SMG1: variants seen among roughly 807,000 people sequenced by gnomAD.
SMG1 encodes the protein serine/threonine-protein kinase SMG1.
SMG1 carries 22 observed loss-of-function variants against 419.9 expected under a neutral mutation model. The ratio of observed to expected loss-of-function variants is 0.05; its 90% CI spans 0.04 to 0.07. The LOEUF is 0.07. Among genes scored for constraint, SMG1 ranks in the 10% least tolerant of loss-of-function variants. The pLI is 1.00. For missense variants in SMG1, 3,185 were observed against 4,342.0 expected (o/e 0.73, Z 7.49); for synonymous variants, 1,538 against 1,553.5 (o/e 0.99, Z 0.23).
intron 23 of SMG1, among the ~76,000 whole-genome samples, chr16:18,865,749 G>A (rs1480201456): frequency 6.6e-6 from 1 of 150,518 alleles, no homozygotes; most frequent in Admixed American, 6.6e-5. Flanking sequence ...AGCAACCTCC[G>A]CCTCCCAGGT....
Position 18,845,633 on chromosome 16 carries a change from G to T in SMG1, c.6015C>A (p.Ile2005=). The change falls in exon 39 of 63, where the codon ATC becomes ATA. Residue 2005 remains isoleucine (I), a synonymous_variant. Transcript: ENST00000446231. ...TCAAAGCTGTGTGCTTCTCCCTCATGATTGCAATTTTCTCTTCTCTGACCA... is the reference window on the plus strand; with the variant it reads ...TCAAAGCTGTGTGCTTCTCCCTCATTATTGCAATTTTCTCTTCTCTGACCA... ...NTLRKEEKIA[I]MREKHTALMK... 1 of 1,610,436 alleles carries T rather than the reference G, an allele frequency of 6.2e-7. No individual in the cohort carries two copies. The highest frequency in any genetic ancestry group is 8.5e-7 in the Non-Finnish European group (1 of 1,178,584).
At position 18,898,547 on chromosome 16, in the gene SMG1, A is replaced by G. The variant is rs564631639; in HGVS notation, c.93-1591T>C. 2.6e-5 allele frequency among the ~76,000 whole-genome samples: 4 copies of G among 152,332 alleles called. No individual in the cohort carries two copies. The South Asian group carries it at 8.3e-4, about 32-fold the overall frequency. On this transcript the variant is annotated intron_variant, in intron 1 of 62. Coordinates refer to ENST00000446231, the MANE Select transcript of SMG1 (RefSeq NM_015092.5). The stretch of plus-strand genomic sequence containing the variant: ...CCTAAAAATAGCACATTTAACATGC[A>G]TCTATATAAATCATAGCATACGATT...
At chr16:18,902,629 GGGA>G (rs1199234992) in intron 1 of SMG1, among the ~76,000 whole-genome samples, 1 of 151,914 alleles carries the variant, frequency 6.6e-6, no homozygotes, top group Non-Finnish European at 1.5e-5. Context: ...GAACCTGGGA[GGGA>G]GGAGGTCAGG....
intron 60 of SMG1, among the ~76,000 whole-genome samples, chr16:18,814,264 T>G (rs1326162897): frequency 4.6e-5 from 7 of 151,894 alleles, no homozygotes; most frequent in African/African-American, 7.2e-5. Flanking sequence ...CAGAGTGGTT[T>G]CTGCCTCTAT....
At chr16:18,920,637 C>A (rs2038160996) in intron 1 of SMG1, among the ~76,000 whole-genome samples, 2 of 151,602 alleles carry the variant, frequency 1.3e-5, no homozygotes, top group Admixed American at 1.3e-4. Context: ...GTATTCAAGA[C>A]CAGCCCAGGC....
intron 39 of SMG1, among the ~76,000 whole-genome samples, chr16:18,844,309 A>C (rs1391956893): frequency 6.6e-6 from 1 of 151,816 alleles, no homozygotes; most frequent in East Asian, 1.9e-4. Context: ...TGTGCCTGTA[A>C]TCCCAGCTAC....
chr16:18,809,408 C>T lies in SMG1; in HGVS notation c.*161G>A, dbSNP rs977605316. The T allele has an allele frequency of 2.0e-5, 13 of 636,634 alleles. No homozygotes were observed. The South Asian group carries it at 2.4e-4, about 12-fold the overall frequency. 39.4% of individuals were successfully genotyped at this position (636,634 alleles called of 1,614,324 possible). On this transcript the variant is annotated 3_prime_UTR_variant, in exon 63 of 63. Transcript: ENST00000446231. ...CGTATCCCTGAGTGCAGCTGTCCTG[C>T]GGGATTCACTTCCTAGTGCACCGAG...
At chr16:18,921,621 C>T (rs1186349220) in intron 1 of SMG1, among the ~76,000 whole-genome samples, 1 of 152,000 alleles carries the variant, frequency 6.6e-6, no homozygotes, top group East Asian at 1.9e-4. Flanking sequence ...TTTGCACCCA[C>T]CTAATAGGTA....
chr16:18,821,385 C>A (rs1274797264), intron 55 of SMG1, among the ~76,000 whole-genome samples: 1 of 40,020 alleles, frequency 2.5e-5, no homozygotes, highest in African/African-American at 8.7e-5. Context: ...GGTATATCTC[C>A]CAATGCTATC....
At chr16:18,810,986 A>G (rs764915379) in intron 62 of SMG1, among the ~76,000 whole-genome samples, 2 of 152,202 alleles carry the variant, frequency 1.3e-5, no homozygotes, top group Non-Finnish European at 2.9e-5. Context: ...CTGTAGCTTT[A>G]TTCTCAAATT....
At chr16:18,888,820 CT>C (rs71141087) in intron 6 of SMG1, among the ~76,000 whole-genome samples, 9,951 of 111,642 alleles carry the variant, frequency 0.089, 223 homozygotes, top group Middle Eastern at 0.16. Context: ...CAACATGTAT[CT>C]TTTTTTTTTT....
In SMG1 at chr16:18,871,410, G is replaced by A. The variant is rs2035814804; in HGVS notation, c.2256C>T (p.Phe752=). 6.3e-7 allele frequency: 1 copy of A among 1,599,396 alleles called. No individual in the cohort carries two copies. The highest frequency in any genetic ancestry group is 2.3e-5 in the East Asian group (1 of 44,336). Residue 752 remains phenylalanine (F), a synonymous_variant, in exon 16 of 63, where the codon TTC becomes TTT. Transcript: ENST00000446231. ...MKKSETYAPL[F]SLPSFHKFCK... Reference sequence around the variant, plus strand: ...AAAATTTATGGAAAGACGGAAGAGAGAATAAAGGTGCGTATGTTTCAGACT... The same window carrying A: ...AAAATTTATGGAAAGACGGAAGAGAAAATAAAGGTGCGTATGTTTCAGACT...
At position 18,807,726 on chromosome 16, in the gene SMG1, G is replaced by A. The variant is rs2030971071; in HGVS notation, c.*1843C>T. ...TGACCACTGTCCTAATCTCTAAAATGCAGGGAAAATGTACTCAAACAATTT... is the reference window on the plus strand; with the variant it reads ...TGACCACTGTCCTAATCTCTAAAATACAGGGAAAATGTACTCAAACAATTT... On this transcript the variant is annotated 3_prime_UTR_variant, in exon 63 of 63. Transcript: ENST00000446231. The A allele has an allele frequency of 6.6e-6, 1 of 151,936 alleles. No homozygotes were observed. Among genetic ancestry groups the A allele is most frequent in the African/African-American group, 2.4e-5 (1 of 41,362 alleles). The allele number at this position is 151,936 out of a possible 1,614,324, so 9.4% of individuals were successfully genotyped here.
At position 18,845,447 on chromosome 16, in the gene SMG1, G is replaced by A; in HGVS notation, c.6201C>T (p.Ser2067=). The A allele has an allele frequency of 6.2e-7, 1 of 1,613,810 alleles. No individual in the cohort carries two copies. The highest frequency in any genetic ancestry group is 1.1e-5 in the South Asian group (1 of 91,086). Reference sequence around the variant, plus strand: ...TCTGTACCTCTTTAAATGGAATCCAGCTGCTCCCAGGCTTTGCAGGGTTCA... The same window carrying A: ...TCTGTACCTCTTTAAATGGAATCCAACTGCTCCCAGGCTTTGCAGGGTTCA... ...TPLNPAKPGS[S]WIPFKEIMLS... Residue 2067 remains serine (S), a synonymous_variant, in exon 39 of 63, where the codon AGC becomes AGT. Transcript: ENST00000446231.
At position 18,850,031 on chromosome 16, in the gene SMG1, C is replaced by T; in HGVS notation, c.5379G>A (p.Leu1793=). 2 of 1,614,020 alleles carry T rather than the reference C, an allele frequency of 1.2e-6. No individual in the cohort carries two copies. The highest frequency in any genetic ancestry group is 1.1e-5 in the South Asian group (1 of 91,090). The stretch of plus-strand genomic sequence containing the variant: ...CACCAGCATGCTTCACGAGCAACCG[C>T]AGCAGGCGCAATGTGGCCATCACAA... ...DMIVMATLRL[L]RLLVKHAGEL... Residue 1793 remains leucine (L), a synonymous_variant, in exon 35 of 63, where the codon CTG becomes CTA. Transcript: ENST00000446231.
At chr16:18,920,243 G>A (rs1206174270) in intron 1 of SMG1, among the ~76,000 whole-genome samples, 1 of 152,008 alleles carries the variant, frequency 6.6e-6, no homozygotes, top group Non-Finnish European at 1.5e-5. Flanking sequence ...TTAGCCGGGT[G>A]TGGTGGCACA....
chr16:18,897,055 T>C (rs1403604718), intron 1 of SMG1, 99 bp from the exon 2 acceptor site: 8 of 803,816 alleles, frequency 1.0e-5, no homozygotes, highest in Non-Finnish European at 1.4e-5. Context: ...ATTTAACCAT[T>C]ACTATTTAGT....
intron 1 of SMG1, among the ~76,000 whole-genome samples, chr16:18,915,671 C>T (rs1008041136): frequency 2.6e-5 from 4 of 152,004 alleles, no homozygotes; most frequent in African/African-American, 9.7e-5. Context: ...ATGAAAAAAA[C>T]GTGGCAGGAA....
At chr16:18,877,642 C>T (rs1352361528) in intron 11 of SMG1, 1 of 156,754 alleles carries the variant, frequency 6.4e-6, no homozygotes, top group Non-Finnish European at 1.4e-5. Flanking sequence ...ATGTACCACA[C>T]TAACACAATA....
Sources: allele counts gnomAD v4.1 joint callset (sites outside exome capture counted in the v4.1 genomes callset), GRCh38; gene constraint gnomAD v4.1.1; transcripts MANE v1.5; gene names NCBI Gene and HGNC (gene_info 2026-07-23, HGNC 2026-07-21).